The following ARHGEF18 variants were observed in gnomAD, a reference collection of about 807,000 sequenced individuals.
ARHGEF18 encodes the protein rho guanine nucleotide exchange factor 18.
ARHGEF18 carries 93 observed loss-of-function variants against 155.7 expected under a neutral mutation model. The ratio of observed to expected loss-of-function variants is 0.60; its 90% CI spans 0.50 to 0.71. The LOEUF (loss-of-function observed/expected upper bound fraction) is 0.71. Among genes scored for constraint, ARHGEF18 ranks in the 30% least tolerant of loss-of-function variants. ARHGEF18 has a pLI of 0.00. For synonymous variants in ARHGEF18, 742 were observed against 753.1 expected (o/e 0.99, Z 0.24); for missense variants, 1,593 against 1,816.1 (o/e 0.88, Z 2.23).
At chr19:7,384,765 T>C (rs1414866659) in intron 10 of ARHGEF18, among the ~76,000 whole-genome samples, 6 of 151,470 alleles carry the variant, frequency 4.0e-5, no homozygotes, top group East Asian at 1.9e-4. Flanking sequence ...GATCTCAGCA[T>C]ACTGTAGCCT....
Position 7,462,136 on chromosome 19 carries a change from C to T in ARHGEF18, c.2453-16C>T. ...GGCCGACCCGGCTGACTGCCACCTC[C>T]ACCATCACTCTGCAGAGCGGTTGAG... On this transcript the variant is annotated splice_polypyrimidine_tract_variant and intron_variant, in intron 20 of 28. Coordinates refer to ENST00000668164, the MANE Select transcript of ARHGEF18 (RefSeq NM_001367823.1). This position sits in a 1 kb window ranked among gnomAD's most constrained non-coding sequence, Gnocchi z 4.4. The T allele has an allele frequency of 6.2e-7, 1 of 1,613,660 alleles. No individual in the cohort carries two copies. Among genetic ancestry groups the T allele is most frequent in the African/African-American group, 1.3e-5 (1 of 75,056 alleles).
downstream of ARHGEF18, among the ~76,000 whole-genome samples, chr19:7,475,870 G>A (rs1194550000): frequency 6.6e-5 from 10 of 152,310 alleles, no homozygotes; most frequent in East Asian, 1.9e-3. Context: ...TCTGCTGAGG[G>A]CCAGGACAGG....
Position 7,375,387 on chromosome 19 carries a change from G to A in ARHGEF18, c.276-333G>A, listed in dbSNP as rs117081505. 7.6e-3 allele frequency among the ~76,000 whole-genome samples: 1,094 copies of A among 144,376 alleles called. 25 individuals carry two copies. Among genetic ancestry groups the A allele is most frequent in the African/African-American group, 0.026 (1,003 of 38,094 alleles). 94.7% of individuals were successfully genotyped at this position (144,376 alleles called of 152,430 possible). ...GAAGGAAGGAAGGAAGAAAGAAAAG[G>A]AAGGAAGGAAGAAAGGAAGGAAGAA... is the stretch of plus-strand genomic sequence containing the variant. On this transcript the variant is annotated intron_variant, in intron 3 of 28. Transcript: ENST00000668164.
intron 2 of ARHGEF18, among the ~76,000 whole-genome samples, chr19:7,368,020 CGGAA>C (rs374690580): frequency 9.6e-4 from 91 of 95,152 alleles, no homozygotes; most frequent in South Asian, 1.2e-3. Context: ...GGAGGGAGGG[CGGAA>C]GGAAGGAAGG....
In ARHGEF18 at chr19:7,359,921, G is replaced by A. The variant is rs538623356; in HGVS notation, c.-110-2860G>A. 2.2e-4 allele frequency among the ~76,000 whole-genome samples: 33 copies of A among 152,248 alleles called. 1 individual carries two copies. The highest frequency in any genetic ancestry group is 6.8e-3 in the Middle Eastern group (2 of 294). ...TGTAATCCCAGCACTTTGGGAGGCC[G>A]AGGTGGGAGGATCATATGAGACCAG... is the stretch of plus-strand genomic sequence containing the variant. On this transcript the variant is annotated intron_variant, in intron 1 of 28. Transcript: ENST00000668164.
intron 10 of ARHGEF18, among the ~76,000 whole-genome samples, chr19:7,425,681 C>CA (rs1247648498): frequency 0.048 from 4,533 of 93,730 alleles, 246 homozygotes; most frequent in East Asian, 0.23. Context: ...GACTCCGTCT[C>CA]AAAAAAAAAA....
intron 27 of ARHGEF18, among the ~76,000 whole-genome samples, chr19:7,469,698 ACT>A (rs1318177170): frequency 6.6e-6 from 1 of 151,742 alleles, no homozygotes; most frequent in African/African-American, 2.4e-5. Flanking sequence ...ATGCCGGGTG[ACT>A]CTGCAGGTCC....
At chr19:7,386,003 T>C (rs1192953064) in intron 10 of ARHGEF18, among the ~76,000 whole-genome samples, 3 of 121,346 alleles carry the variant, frequency 2.5e-5, no homozygotes, top group Non-Finnish European at 5.2e-5. Context: ...TCTCCCTCTC[T>C]CTTTCTCTCT....
intron 10 of ARHGEF18, among the ~76,000 whole-genome samples, chr19:7,384,199 G>A (rs1970879086): frequency 6.6e-6 from 1 of 152,150 alleles, no homozygotes; most frequent in Non-Finnish European, 1.5e-5. Context: ...TTTGTTCTAA[G>A]GGGCTATCCT....
rs1053320378 is a variant in ARHGEF18, at chr19:7,439,692, A to G, written c.968-652A>G. ...TGCTGATGACCAGGGGCGGCTAAAC[A>G]CCATGCCCTGCCATCTCTGGGTCTT... On this transcript the variant is annotated intron_variant, in intron 10 of 28. Transcript: ENST00000668164. 8.8e-6 allele frequency: 11 copies of G among 1,243,548 alleles called. No individual in the cohort carries two copies. In the African/African-American group the frequency reaches 1.7e-4, roughly 19 times the overall value. 77.0% of individuals were successfully genotyped at this position (1,243,548 alleles called of 1,614,324 possible).
downstream of ARHGEF18, chr19:7,477,126 C>G (rs553832106): frequency 6.7e-6 from 9 of 1,333,410 alleles, no homozygotes; most frequent in South Asian, 1.2e-4. Context: ...GCCCCGGCCC[C>G]TGCCCTGGCG....
intron 10 of ARHGEF18, among the ~76,000 whole-genome samples, chr19:7,389,659 G>A (rs911604063): frequency 7.9e-5 from 12 of 151,208 alleles, no homozygotes; most frequent in African/African-American, 2.4e-4. Flanking sequence ...TCAGCCTCCC[G>A]AGTAGCTGGG....
intron 2 of ARHGEF18, among the ~76,000 whole-genome samples, chr19:7,365,764 AC>A (rs1325036882): frequency 1.3e-5 from 2 of 152,136 alleles, no homozygotes; most frequent in Non-Finnish European, 2.9e-5. Flanking sequence ...CCCATCAGGC[AC>A]CAAGTCCTGT....
chr19:7,452,654 C>T (rs910898304), intron 16 of ARHGEF18, among the ~76,000 whole-genome samples: 4 of 151,408 alleles, frequency 2.6e-5, no homozygotes, highest in African/African-American at 7.3e-5. Context: ...TTAGTAGAGA[C>T]GAGGTTTCTT....
In ARHGEF18 at chr19:7,349,185, T is replaced by C. The variant is rs957144033; in HGVS notation, c.-167T>C. On this transcript the variant is annotated 5_prime_UTR_variant, in exon 1 of 29. Coordinates refer to ENST00000668164, the MANE Select transcript of ARHGEF18 (RefSeq NM_001367823.1). The stretch of plus-strand genomic sequence containing the variant: ...AACGCTGGCCGTAGGTCATGGGAGC[T>C]GCAGGAGCTGTTAGCCAGGCTAGGT... The C allele has an allele frequency of 2.0e-5, 3 of 152,132 alleles. No individual in the cohort carries two copies. Among genetic ancestry groups the C allele is most frequent in the African/African-American group, 7.2e-5 (3 of 41,438 alleles). 9.4% of individuals were successfully genotyped at this position (152,132 alleles called of 1,614,324 possible). A position where few individuals can be genotyped will look rare whatever the true frequency, so the allele number is the denominator to read the frequency against.
At chr19:7,479,037 CTG>C in the ARHGEF18 span, among the ~76,000 whole-genome samples, 11 of 152,348 alleles carry the variant, frequency 7.2e-5, no homozygotes, top group Admixed American at 7.2e-4. Context: ...CGGGTTGTGA[CTG>C]TGACAGAATG....
chr19:7,364,802 G>A lies in ARHGEF18; in HGVS notation c.15+1897G>A, dbSNP rs370657588. On this transcript the variant is annotated intron_variant, in intron 2 of 28. Transcript: ENST00000668164. ...AGGGTAGGGGCCAGGGAGAGGTCTC[G>A]TAAACATAGTTCAGCTCCAGCTCCA... Among the ~76,000 whole-genome samples the A allele has an allele frequency of 2.8e-4, 43 of 152,226 alleles. No individual in the cohort carries two copies. The East Asian group carries it at 5.2e-3, about 18-fold the overall frequency.
intron 10 of ARHGEF18, among the ~76,000 whole-genome samples, chr19:7,387,933 G>C (rs1971176539): frequency 6.8e-6 from 1 of 146,834 alleles, no homozygotes; most frequent in Non-Finnish European, 1.5e-5. Context: ...CCAAAGTGCT[G>C]AGATTATAGG....
intron 2 of ARHGEF18, among the ~76,000 whole-genome samples, chr19:7,371,580 G>A (rs562528608): frequency 3.4e-4 from 51 of 152,182 alleles, no homozygotes; most frequent in Middle Eastern, 3.4e-3. Context: ...CAGCATCTTG[G>A]GAGGCCGAGG....
Sources: allele counts gnomAD v4.1 joint callset (sites outside exome capture counted in the v4.1 genomes callset), GRCh38; gene constraint gnomAD v4.1.1; non-coding constraint Gnocchi (gnomAD v3.1); transcripts MANE v1.5; gene names NCBI Gene and HGNC (gene_info 2026-07-23, HGNC 2026-07-21).